The following AHR variants were observed in gnomAD, a reference collection of about 807,000 sequenced individuals.
AHR encodes AH-receptor.
Under a neutral mutation model 86.8 loss-of-function variants are expected in AHR, and 40 were observed. The observed-to-expected ratio is 0.46, with a 90% confidence interval of 0.36 to 0.60. The LOEUF is 0.60. Ranked by LOEUF, AHR falls within the 20% of genes least tolerant of loss-of-function variation. The probability of loss-of-function intolerance (pLI) is 0.00; values close to 1 mark genes in which losing one functional copy is unlikely to be tolerated. For synonymous variants in AHR, 398 were observed against 354.9 expected (o/e 1.12, Z -1.37); for missense variants, 1,001 against 1,011.6 (o/e 0.99, Z 0.14).
At chr7:17,315,797 T>C (rs1220872216) in intron 2 of AHR, among the ~76,000 whole-genome samples, 1 of 151,964 alleles carries the variant, frequency 6.6e-6, no homozygotes, top group Non-Finnish European at 1.5e-5. Context: ...TTTTATTTGG[T>C]AATATTTGTA....
chr7:17,324,690 T>A (rs1291831541), intron 3 of AHR, among the ~76,000 whole-genome samples: 3 of 151,486 alleles, frequency 2.0e-5, no homozygotes, highest in African/African-American at 2.4e-5. Context: ...TAATCCTAGA[T>A]ACCCAGGAGG....
rs141667112 is a variant in AHR, at chr7:17,327,790, C to T, written c.392C>T (p.Thr131Ile). Residue 131 changes from threonine (T) to isoleucine (I), a missense_variant, in exon 4 of 11, where the codon ACA becomes ATA. Physicochemically the swap from Thr to Ile is moderately conservative, Grantham distance 89 (BLOSUM62 -1). Transcript: ENST00000242057. ...ALNGFVLVVTTDALVFYASST... is the reference protein window; with the variant it reads ...ALNGFVLVVTIDALVFYASST... ...AATGGCTTTGTATTAGTTGTCACTA[C>T]AGATGCTTTGGTCTTTTATGCTTCT... 262 of 1,579,218 alleles carry T rather than the reference C, an allele frequency of 1.7e-4. No individual in the cohort carries two copies. Among genetic ancestry groups the T allele is most frequent in the Non-Finnish European group, 2.2e-4 (252 of 1,157,818 alleles).
At chr7:17,303,023 A>G (rs545543383) in intron 1 of AHR, among the ~76,000 whole-genome samples, 31 of 152,128 alleles carry the variant, frequency 2.0e-4, no homozygotes, top group Non-Finnish European at 4.1e-4. Flanking sequence ...TTACTCATGT[A>G]TTTAATTAAG....
intron 4 of AHR, among the ~76,000 whole-genome samples, chr7:17,328,631 G>A (rs1782253248): frequency 6.6e-6 from 1 of 151,902 alleles, no homozygotes; most frequent in African/African-American, 2.4e-5. Context: ...GTAGTTCACA[G>A]TGGGGCCCAT....
intron 2 of AHR, among the ~76,000 whole-genome samples, chr7:17,311,057 A>G (rs760030682): frequency 1.3e-4 from 20 of 152,162 alleles, no homozygotes; most frequent in Non-Finnish European, 1.2e-4. Flanking sequence ...CAGCTGGATG[A>G]TATTTGTTAC....
intron 4 of AHR, among the ~76,000 whole-genome samples, chr7:17,328,549 A>G (rs962946994): frequency 6.6e-6 from 1 of 151,976 alleles, no homozygotes; most frequent in African/African-American, 2.4e-5. Context: ...TGTACTGTGC[A>G]CAAGAATCAC....
chr7:17,318,299 T>A (rs1323454936), intron 2 of AHR, among the ~76,000 whole-genome samples: 1 of 152,056 alleles, frequency 6.6e-6, no homozygotes, highest in Non-Finnish European at 1.5e-5. Context: ...TGAGCTTAGA[T>A]GTCTAAGGAA....
In AHR at chr7:17,335,716, C is replaced by T; in HGVS notation, c.1090C>T (p.Gln364Ter). 1 of 1,611,272 alleles carries T rather than the reference C, an allele frequency of 6.2e-7. No individual in the cohort carries two copies. The highest frequency in any genetic ancestry group is 8.5e-7 in the Non-Finnish European group (1 of 1,178,314). The change falls in exon 9 of 11, where the codon CAG (glutamine) becomes TAG (stop). Residue 364 changes from glutamine (Q) to a stop codon, truncating the protein, a stop_gained. Coordinates refer to ENST00000242057, the MANE Select transcript of AHR (RefSeq NM_001621.5). LOFTEE classifies it high-confidence loss of function. The stretch of plus-strand genomic sequence containing the variant: ...AAAAAACAACCGATGGACTTGGGTC[C>T]AGTCTAATGCACGCCTGCTTTATAA... ...LTKNNRWTWVQSNARLLYKNG... is the reference protein window; with the variant it reads ...LTKNNRWTWV
rs1223086567 is a variant in AHR, at chr7:17,307,743, C to T, written c.66-2193C>T. On this transcript the variant is annotated intron_variant, in intron 1 of 10. Transcript: ENST00000242057. ...TGGCATCCCGGAATCCTAACTTCAG[C>T]GAACCCTGCCCTGCTTTCTGTATAC... 4.6e-5 allele frequency among the ~76,000 whole-genome samples: 7 copies of T among 152,228 alleles called. No homozygotes were observed. In the East Asian group the frequency reaches 1.4e-3, roughly 29 times the overall value.
intron 9 of AHR, among the ~76,000 whole-genome samples, chr7:17,336,718 T>C (rs1385399242): frequency 1.3e-5 from 2 of 152,190 alleles, no homozygotes; most frequent in Non-Finnish European, 2.9e-5. Context: ...TACATGAGTA[T>C]GTGTGTACCA....
chr7:17,311,292 C>G (rs1782062002), intron 2 of AHR, among the ~76,000 whole-genome samples: 1 of 152,132 alleles, frequency 6.6e-6, no homozygotes, highest in South Asian at 2.1e-4. Context: ...AATGTGCTTA[C>G]AAATCACATA....
chr7:17,308,613 A>G (rs1782029577), intron 1 of AHR, among the ~76,000 whole-genome samples: 2 of 152,078 alleles, frequency 1.3e-5, no homozygotes, highest in Admixed American at 1.3e-4. Context: ...TGATTAGGGG[A>G]AAATAGCTAG....
At chr7:17,310,653 G>C (rs1038861263) in intron 2 of AHR, among the ~76,000 whole-genome samples, 1 of 151,336 alleles carries the variant, frequency 6.6e-6, no homozygotes, top group Non-Finnish European at 1.5e-5. Flanking sequence ...TCCTGCTTCA[G>C]CCTCCCAAGT....
rs2115346619 is a variant in AHR, at chr7:17,298,948, A to C, written c.-317A>C. ...GCTCCTCCTCCGCCCGGGCCGCCTC[A>C]CCTGCGGGCATTGCCGCGCCGCCTC... is the stretch of plus-strand genomic sequence containing the variant. On this transcript the variant is annotated 5_prime_UTR_variant, in exon 1 of 11. Coordinates refer to ENST00000242057, the MANE Select transcript of AHR (RefSeq NM_001621.5). 2.3e-6 allele frequency: 1 copy of C among 437,004 alleles called. No individual in the cohort carries two copies. The highest frequency in any genetic ancestry group is 6.6e-5 in the South Asian group (1 of 15,160). The allele number at this position is 437,004 out of a possible 1,614,324, so 27.1% of individuals were successfully genotyped here.
chr7:17,342,947 A>G lies in AHR; in HGVS notation c.2430A>G (p.Thr810=). 1 of 1,613,074 alleles carries G rather than the reference A, an allele frequency of 6.2e-7. No individual in the cohort carries two copies. The highest frequency in any genetic ancestry group is 8.5e-7 in the Non-Finnish European group (1 of 1,179,500). The change falls in exon 11 of 11, where the codon ACA becomes ACG. Residue 810 remains threonine (T), a synonymous_variant. Transcript: ENST00000242057. ...NKFQNGVLNE[T]YPAELNNINN... ...TTCAGAATGGAGTTTTAAATGAAAC[A>G]TATCCAGCTGAATTAAATAACATAA... is the stretch of plus-strand genomic sequence containing the variant.
intron 6 of AHR, among the ~76,000 whole-genome samples, chr7:17,333,527 C>T (rs984416966): frequency 6.6e-5 from 10 of 151,792 alleles, no homozygotes; most frequent in Admixed American, 5.9e-4. Flanking sequence ...TGATATAGTT[C>T]ATGTATGCTT....
rs566146872 is a variant in AHR at position 17,334,035 on chromosome 7, A to G, written c.829A>G (p.Ile277Val). ...AIATPLQPPS[I>V]LEIRTKNFIF... ...AGCTACTCCACTTCAGCCACCATCC[A>G]TACTTGAAATCCGGACCAAAAATTT... Residue 277 changes from isoleucine to valine, a missense_variant, in exon 7 of 11, where the codon ATA (isoleucine) becomes GTA (valine). Ile to Val is a conservative substitution (Grantham distance 29). This residue lies in a region of AHR where 394 missense variants were observed against 468.5 expected (regional missense o/e 0.84). Transcript: ENST00000242057. 46 of 1,613,560 alleles carry G rather than the reference A, an allele frequency of 2.9e-5. No homozygotes were observed. In the East Asian group the frequency reaches 6.0e-4, roughly 21 times the overall value.
intron 1 of AHR, among the ~76,000 whole-genome samples, chr7:17,305,339 A>T (rs1020311618): frequency 6.6e-6 from 1 of 152,304 alleles, no homozygotes; most frequent in South Asian, 2.1e-4. Flanking sequence ...ATATTCAGAG[A>T]TAAATACGGA....
In AHR at chr7:17,340,047, G is replaced by C. The variant is rs1288748389; in HGVS notation, c.2222G>C (p.Cys741Ser). ...TCTAGTTTAGAAGATTTTGTCACTT[G>C]TTTACAACTTCCTGAAAACCAAAAG... ...TTSSLEDFVTCLQLPENQKHG... is the reference protein window; with the variant it reads ...TTSSLEDFVTSLQLPENQKHG... Residue 741 changes from cysteine to serine, a missense_variant, in exon 10 of 11, where the codon TGT becomes TCT. Transcript: ENST00000242057. The C allele has an allele frequency of 6.2e-7, 1 of 1,614,130 alleles. No homozygotes were observed. The highest frequency in any genetic ancestry group is 8.5e-7 in the Non-Finnish European group (1 of 1,180,032).
Sources: gnomAD v4.1 joint callset for allele counts (sites outside exome capture counted in the v4.1 genomes callset) on GRCh38, gnomAD v4.1.1 for gene constraint, gnomAD v4.1.1 regional missense constraint, MANE v1.5 for transcripts, NCBI Gene and HGNC (gene_info 2026-07-23, HGNC 2026-07-21) for gene names.